TNS3: variants seen among roughly 807,000 people sequenced by gnomAD.
TNS3 encodes tensin 3.
TNS3 carries 45 observed loss-of-function variants against 140.9 expected under a neutral mutation model. The ratio of observed to expected loss-of-function variants is 0.32; its 90% CI spans 0.25 to 0.41. TNS3 has a LOEUF of 0.41. Ranked by LOEUF, TNS3 falls within the 10% of genes least tolerant of loss-of-function variation. The pLI, the probability that TNS3 is intolerant of heterozygous loss-of-function variation, is 1.00. For synonymous variants in TNS3, 815 were observed against 788.4 expected (o/e 1.03, Z -0.56); for missense variants, 1,716 against 1,906.7 (o/e 0.90, Z 1.86).
intron 1 of TNS3, among the ~76,000 whole-genome samples, chr7:47,559,382 A>G (rs1800276023): frequency 6.6e-6 from 1 of 152,124 alleles, no homozygotes; most frequent in Non-Finnish European, 1.5e-5. Context: ...AACAGACATC[A>G]AGACACATGT....
At chr7:47,447,339 G>A (rs1795797763) in intron 4 of TNS3, among the ~76,000 whole-genome samples, 1 of 152,086 alleles carries the variant, frequency 6.6e-6, no homozygotes, top group Non-Finnish European at 1.5e-5. Flanking sequence ...TTCCTAGTGT[G>A]TCACAGCAGT....
At chr7:47,516,923 C>T (rs1055664739) in intron 2 of TNS3, among the ~76,000 whole-genome samples, 53 of 152,172 alleles carry the variant, frequency 3.5e-4, no homozygotes, top group Middle Eastern at 3.4e-3. Context: ...ATTAGCCAGG[C>T]GTGGTGGTGG....
intron 1 of TNS3, among the ~76,000 whole-genome samples, chr7:47,534,595 C>T (rs1799534807): frequency 6.6e-6 from 1 of 152,206 alleles, no homozygotes; most frequent in Non-Finnish European, 1.5e-5. Context: ...CACCCCAGCT[C>T]CATCCCGTGA....
chr7:47,522,161 C>T (rs924985637), intron 2 of TNS3, among the ~76,000 whole-genome samples: 13 of 152,218 alleles, frequency 8.5e-5, no homozygotes, highest in Admixed American at 1.3e-4. Flanking sequence ...CCATATCCCC[C>T]GCCTTCTCAC....
chr7:47,401,741 C>T (rs1793179037), intron 13 of TNS3, among the ~76,000 whole-genome samples: 1 of 152,346 alleles, frequency 6.6e-6, no homozygotes, highest in Non-Finnish European at 1.5e-5. Flanking sequence ...GCAGCACTGG[C>T]ATCATTGGAA....
chr7:47,303,308 G>C lies in TNS3; in HGVS notation c.3099C>G (p.Pro1033=), dbSNP rs571040304. The C allele has an allele frequency of 8.4e-5, 136 of 1,613,404 alleles. No homozygotes were observed. The East Asian group carries it at 9.1e-4, about 11-fold the overall frequency. The change falls in exon 22 of 31, where the codon CCC becomes CCG. Residue 1033 remains proline, a synonymous_variant. Coordinates refer to ENST00000311160, the MANE Select transcript of TNS3 (RefSeq NM_022748.12). The part of the protein sequence containing the change: ...GTAPVGSGLP[P]EEDLGALLAN... ...CCAGCAAGGCCCCCAGGTCCTCCTC[G>C]GGCGGAAGGCCACTTCCCACTGGGG...
rs1172694134 is a variant in TNS3, at chr7:47,368,688, G to A, written c.1958C>T (p.Pro653Leu). The A allele has an allele frequency of 6.3e-7, 1 of 1,592,798 alleles. No individual in the cohort carries two copies. The highest frequency in any genetic ancestry group is 8.5e-7 in the Non-Finnish European group (1 of 1,170,362). ...VQRGVGSGPH[P>L]PDTQQPSPSK... ...GGGAGAGGGCTGCTGTGTGTCAGGG[G>A]GATGTGGCCCACTGCCTACACCCCT... is the stretch of plus-strand genomic sequence containing the variant. The change falls in exon 17 of 31, where the codon CCC (proline) becomes CTC (leucine). Residue 653 changes from proline to leucine, a missense_variant. Around this residue, in one of 3 missense-constraint regions of TNS3, gnomAD observed 1,163 missense variants for 1,182.1 expected, o/e 0.98. Transcript: ENST00000311160.
At chr7:47,287,245 T>C (rs756742417) in intron 27 of TNS3, among the ~76,000 whole-genome samples, 25 of 152,240 alleles carry the variant, frequency 1.6e-4, no homozygotes, top group Admixed American at 8.5e-4. Context: ...CAAGAAACAA[T>C]TAAGAACCGA....
At chr7:47,391,742 C>A (rs912206064) in intron 16 of TNS3, among the ~76,000 whole-genome samples, 11 of 152,180 alleles carry the variant, frequency 7.2e-5, no homozygotes, top group African/African-American at 2.7e-4. Context: ...TTCCCTTAGA[C>A]CATCACAGCA....
intron 13 of TNS3, among the ~76,000 whole-genome samples, chr7:47,404,057 T>A (rs1261111423): frequency 6.6e-6 from 1 of 152,254 alleles, no homozygotes; most frequent in Non-Finnish European, 1.5e-5. Flanking sequence ...AATATGTTGA[T>A]CCTTTGCCTT....
chr7:47,475,539 G>A (rs1011653086), intron 4 of TNS3, among the ~76,000 whole-genome samples: 1 of 152,230 alleles, frequency 6.6e-6, no homozygotes, highest in Non-Finnish European at 1.5e-5. Flanking sequence ...TCCCCGGGGG[G>A]GGGGCCAGGC....
At chr7:47,549,524 G>C (rs778007360) in intron 1 of TNS3, among the ~76,000 whole-genome samples, 2 of 151,986 alleles carry the variant, frequency 1.3e-5, no homozygotes, top group African/African-American at 2.4e-5. Context: ...TGAGCCCACA[G>C]ACCAATGTGA....
chr7:47,480,912 AC>A (rs1167918297), intron 4 of TNS3, among the ~76,000 whole-genome samples, 190 bp downstream of exon 4: 2 of 152,354 alleles, frequency 1.3e-5, no homozygotes, highest in South Asian at 2.1e-4. Flanking sequence ...TCTCTAAAAA[AC>A]CATGCAAATG....
At chr7:47,523,474 A>C (rs1372328014) in intron 2 of TNS3, among the ~76,000 whole-genome samples, 1 of 152,234 alleles carries the variant, frequency 6.6e-6, no homozygotes, top group Non-Finnish European at 1.5e-5. Flanking sequence ...AACACTCACC[A>C]CATGCTAAAG....
chr7:47,362,141 C>T (rs1166063553), intron 17 of TNS3, among the ~76,000 whole-genome samples: 2 of 152,186 alleles, frequency 1.3e-5, no homozygotes, highest in Non-Finnish European at 2.9e-5. Context: ...CCACAAAACA[C>T]CAGTGGCAGC....
chr7:47,475,014 CACA>C (rs966159748), intron 4 of TNS3, among the ~76,000 whole-genome samples: 6 of 150,966 alleles, frequency 4.0e-5, no homozygotes, highest in African/African-American at 1.5e-4. Context: ...ACACGCAACA[CACA>C]ACACACACAC....
chr7:47,434,236 G>GAA (rs1366976726), intron 8 of TNS3, among the ~76,000 whole-genome samples: 1 of 150,746 alleles, frequency 6.6e-6, no homozygotes, highest in African/African-American at 2.4e-5. Flanking sequence ...AACTCAAAGG[G>GAA]AAGCTTCTTT....
intron 25 of TNS3, among the ~76,000 whole-genome samples, chr7:47,293,520 T>C (rs1785831847): frequency 6.6e-6 from 1 of 152,224 alleles, no homozygotes; most frequent in Non-Finnish European, 1.5e-5. Flanking sequence ...ATGGTGCTTT[T>C]CATTTGTTTG....
chr7:47,415,054 G>A, intron 11 of TNS3, 40 bp downstream of exon 11: 2 of 1,504,046 alleles, frequency 1.3e-6, no homozygotes, highest in South Asian at 2.3e-5. Flanking sequence ...CCAAGTCTGG[G>A]CCAGCCAATC....
Sources: allele counts gnomAD v4.1 joint callset (sites outside exome capture counted in the v4.1 genomes callset), GRCh38; gene constraint gnomAD v4.1.1; regional missense constraint gnomAD v4.1.1; transcripts MANE v1.5; gene names NCBI Gene and HGNC (gene_info 2026-07-23, HGNC 2026-07-21).